The following EMP1 variants were observed in gnomAD, a reference collection of about 807,000 sequenced individuals.
EMP1 encodes tumor-associated membrane protein.
In EMP1, 5 loss-of-function variants were observed where a neutral mutation model predicts 15.7. That is an observed-to-expected ratio of 0.32 (90% CI 0.17 to 0.67). The LOEUF (loss-of-function observed/expected upper bound fraction) is 0.67, where lower values mean the gene tolerates loss of function less well. Among genes scored for constraint, EMP1 ranks in the 30% least tolerant of loss-of-function variants. The probability of loss-of-function intolerance (pLI) is 0.74; values close to 1 mark genes in which losing one functional copy is unlikely to be tolerated. For synonymous variants in EMP1, 78 were observed against 76.7 expected (o/e 1.02, Z -0.09); for missense variants, 166 against 194.2 (o/e 0.85, Z 0.86).
chr12:13,212,289 C>T (rs1418961868), intron 2 of EMP1, among the ~76,000 whole-genome samples: 1 of 152,144 alleles, frequency 6.6e-6, no homozygotes, highest in African/African-American at 2.4e-5. Flanking sequence ...TTACAGCGCC[C>T]AATTTGCTTT....
rs369602383 is a variant in EMP1, at chr12:13,197,822, TAGAG to T, written c.-43+956_-43+959del. Among the ~76,000 whole-genome samples the T allele has an allele frequency of 2.9e-4, 44 of 151,764 alleles. No individual in the cohort carries two copies. In the East Asian group the frequency reaches 8.3e-3, roughly 29 times the overall value. On this transcript the variant is annotated intron_variant, in intron 1 of 4. Transcript: ENST00000256951. The stretch of plus-strand genomic sequence containing the variant: ...AAAAAAAATGAAAAAAGAAAACTGT[TAGAG>T]AGAGAAAGAGAGGGAGGCAAATGGT...
At chr12:13,208,908 G>A (rs372679769) in intron 1 of EMP1, among the ~76,000 whole-genome samples, 107 of 152,316 alleles carry the variant, frequency 7.0e-4, no homozygotes, top group African/African-American at 2.2e-3. Context: ...TAGAGGTGCC[G>A]TGGGAGGGGT....
intron 3 of EMP1, 39 bp downstream of exon 3, chr12:13,213,614 G>T (rs773551996): frequency 6.2e-7 from 1 of 1,613,860 alleles, no homozygotes; most frequent in African/African-American, 1.3e-5. Context: ...GACAATAGGT[G>T]TGGTCAGGGA....
rs1041707389 is a variant in EMP1 at position 13,212,970 on chromosome 12, G to A, written c.79-509G>A. Among the ~76,000 whole-genome samples the A allele has an allele frequency of 3.3e-5, 5 of 152,310 alleles. No individual in the cohort carries two copies. In the South Asian group the frequency reaches 6.2e-4, roughly 19 times the overall value. ...TGTGACAGTCAAGTTTGATCCTTCT[G>A]TTTAGATGAAAGTGGCTTATTAACC... is the stretch of plus-strand genomic sequence containing the variant. On this transcript the variant is annotated intron_variant, in intron 2 of 4. Transcript: ENST00000256951.
intron 1 of EMP1, among the ~76,000 whole-genome samples, chr12:13,209,813 A>T (rs1377985101): frequency 6.6e-6 from 1 of 152,172 alleles, no homozygotes; most frequent in Non-Finnish European, 1.5e-5. Flanking sequence ...AACCTGAGAA[A>T]AGCAAAAATG....
intron 1 of EMP1, among the ~76,000 whole-genome samples, chr12:13,208,934 T>C (rs1300140366): frequency 6.6e-6 from 1 of 151,556 alleles, no homozygotes; most frequent in Middle Eastern, 3.2e-3. Context: ...AGACAGAGAG[T>C]GTGAGCTGGG....
intron 1 of EMP1, among the ~76,000 whole-genome samples, chr12:13,202,307 T>C (rs1447494798): frequency 1.3e-5 from 2 of 152,178 alleles, no homozygotes; most frequent in African/African-American, 4.8e-5. Flanking sequence ...TTGGTATCAT[T>C]TTAGTTTCCA....
At chr12:13,200,664 G>T (rs1347238222) in intron 1 of EMP1, among the ~76,000 whole-genome samples, 1 of 152,216 alleles carries the variant, frequency 6.6e-6, no homozygotes, top group Non-Finnish European at 1.5e-5. Flanking sequence ...TGTCCTGCCT[G>T]GGTAAAACCA....
chr12:13,207,176 A>T (rs1297281863), intron 1 of EMP1, among the ~76,000 whole-genome samples: 3 of 151,978 alleles, frequency 2.0e-5, no homozygotes, highest in Non-Finnish European at 4.4e-5. Flanking sequence ...CAATGGAGCG[A>T]TCTTGGCTTT....
At chr12:13,198,611 C>T (rs1270103001) in intron 1 of EMP1, among the ~76,000 whole-genome samples, 1 of 152,298 alleles carries the variant, frequency 6.6e-6, no homozygotes, top group East Asian at 1.9e-4. Context: ...ATTATTAAAT[C>T]AATAGTGTTA....
At chr12:13,214,414 A>T in intron 4 of EMP1, 120 bp from the exon 5 acceptor site, 1 of 1,413,040 alleles carries the variant, frequency 7.1e-7, no homozygotes, top group Non-Finnish European at 9.6e-7. Context: ...TTAGGGACAA[A>T]CAAGCAGAAT....
chr12:13,213,450 ATT>A (rs1272097700), intron 2 of EMP1, 27 bp from the exon 3 acceptor site: 1 of 1,602,336 alleles, frequency 6.2e-7, no homozygotes, highest in African/African-American at 1.3e-5. Flanking sequence ...CCAGCTTTCA[ATT>A]AACATTTTCT....
intron 1 of EMP1, among the ~76,000 whole-genome samples, chr12:13,205,125 G>C (rs981470837): frequency 2.0e-5 from 3 of 152,234 alleles, no homozygotes; most frequent in Non-Finnish European, 4.4e-5. Flanking sequence ...GCATGATTCA[G>C]ATAGTTCTTT....
In EMP1 at chr12:13,214,632, A is replaced by T; in HGVS notation, c.415A>T (p.Ile139Phe). The T allele has an allele frequency of 6.2e-7, 1 of 1,613,606 alleles. No homozygotes were observed. Among genetic ancestry groups the T allele is most frequent in the Non-Finnish European group, 8.5e-7 (1 of 1,179,930 alleles). Residue 139 changes from isoleucine (I) to phenylalanine (F), a missense_variant, in exon 5 of 5, where the codon ATC becomes TTC. By Grantham distance (21) the Ile-to-Phe change is conservative. Coordinates refer to ENST00000256951, the MANE Select transcript of EMP1 (RefSeq NM_001423.3). The stretch of plus-strand genomic sequence containing the variant: ...CGGCTATTCCTACATCCTGGGCTGG[A>T]TCTGCTTCTGCTTCAGCTTCATCAT... ...HHGYSYILGWICFCFSFIIGV... is the reference protein window; with the variant it reads ...HHGYSYILGWFCFCFSFIIGV...
rs753837441 is a variant in EMP1 at position 13,216,328 on chromosome 12, G to T, written c.*1637G>T. 4 of 696,456 alleles carry T rather than the reference G, an allele frequency of 5.7e-6. No homozygotes were observed. Among genetic ancestry groups the T allele is most frequent in the African/African-American group, 5.3e-5 (3 of 56,892 alleles). 43.1% of individuals were successfully genotyped at this position (696,456 alleles called of 1,614,324 possible). A position where few individuals can be genotyped will look rare whatever the true frequency, so the allele number is the denominator to read the frequency against. ...CATGATTTTTGGTATTTATGTAAAAGGATTATTACTAATTCTATTTCTCTA... is the reference window on the plus strand; with the variant it reads ...CATGATTTTTGGTATTTATGTAAAATGATTATTACTAATTCTATTTCTCTA... On this transcript the variant is annotated 3_prime_UTR_variant, in exon 5 of 5. Transcript: ENST00000256951.
intron 1 of EMP1, among the ~76,000 whole-genome samples, chr12:13,203,011 C>T (rs1864079308): frequency 6.6e-6 from 1 of 152,150 alleles, no homozygotes; most frequent in South Asian, 2.1e-4. Flanking sequence ...GACTGAATGA[C>T]CTCAATGCCT....
intron 1 of EMP1, among the ~76,000 whole-genome samples, chr12:13,210,526 T>C (rs1864155973): frequency 1.3e-5 from 2 of 152,258 alleles, no homozygotes; most frequent in Admixed American, 1.3e-4. Context: ...AGCTTTTGTT[T>C]ATCCATGCAC....
Position 13,213,583 on chromosome 12 carries a change from T to C in EMP1, c.175+8T>C. ...TGTCATATGCCAGTGAAGGTATATA[T>C]AAAGATATTGACCCAGTGCTGACAA... On this transcript the variant is annotated splice_region_variant and intron_variant, in intron 3 of 4. Transcript: ENST00000256951. 1.2e-6 allele frequency: 2 copies of C among 1,614,154 alleles called. No homozygotes were observed. The highest frequency in any genetic ancestry group is 1.7e-6 in the Non-Finnish European group (2 of 1,179,988).
At chr12:13,201,416 CAAAAA>C (rs1864065364) in intron 1 of EMP1, among the ~76,000 whole-genome samples, 3 of 151,112 alleles carry the variant, frequency 2.0e-5, no homozygotes, top group African/African-American at 2.4e-5. Flanking sequence ...TCAAAAAAAA[CAAAAA>C]CAAAACAAAC....
Sources: gnomAD v4.1 joint callset for allele counts (sites outside exome capture counted in the v4.1 genomes callset) on GRCh38, gnomAD v4.1.1 for gene constraint, MANE v1.5 for transcripts, NCBI Gene and HGNC (gene_info 2026-07-23, HGNC 2026-07-21) for gene names.